The following INSL6 variants were observed in gnomAD, a reference collection of about 807,000 sequenced individuals.
The protein encoded by INSL6 is insulin like 6.
A neutral mutation model predicts 9.4 loss-of-function variants in INSL6; 16 were observed. That is an observed-to-expected ratio of 1.70 (90% CI 1.15 to 2.59). The LOEUF is 2.59. Among genes scored for constraint, INSL6 ranks in the 30% most tolerant of loss-of-function variants. INSL6 has a pLI of 0.00. For missense variants in INSL6, 391 were observed against 257.3 expected (o/e 1.52, Z -3.56); for synonymous variants, 154 against 96.9 (o/e 1.59, Z -3.46).
the INSL6 span, among the ~76,000 whole-genome samples, chr9:5,087,922 CGT>C: frequency 6.6e-6 from 1 of 151,992 alleles, no homozygotes; most frequent in Non-Finnish European, 1.5e-5. Context: ...TTAGTGCATT[CGT>C]GTGACAATAT....
the INSL6 span, chr9:5,091,168 A>G: frequency 7.7e-5 from 22 of 285,128 alleles, no homozygotes; most frequent in Non-Finnish European, 1.2e-4. Context: ...ACTGTCTCCT[A>G]TTTATTGAGG....
At chr9:5,054,413 T>C in the INSL6 span, 6 of 595,600 alleles carry the variant, frequency 1.0e-5, no homozygotes. The surrounding 1 kb of genome is among the most constrained non-coding windows in gnomAD (Gnocchi z 4.9). Flanking sequence ...ACTGTATGGA[T>C]GGGGGTTATG....
the INSL6 span, chr9:5,099,942 A>C: frequency 6.6e-6 from 1 of 152,220 alleles, no homozygotes; most frequent in Non-Finnish European, 1.5e-5. Context: ...CTGGCTTTTT[A>C]CCACAAGGCA....
the INSL6 span, among the ~76,000 whole-genome samples, chr9:5,095,439 G>T: frequency 6.6e-6 from 1 of 152,074 alleles, no homozygotes; most frequent in Non-Finnish European, 1.5e-5. Context: ...TAATTCTCAT[G>T]ATGGGTATCC....
intron 1 of INSL6, among the ~76,000 whole-genome samples, chr9:5,167,400 T>C (rs529088443): frequency 6.6e-6 from 1 of 152,328 alleles, no homozygotes; most frequent in South Asian, 2.1e-4. Flanking sequence ...GCAGCTGCCA[T>C]TACTGTGTCT....
At chr9:5,097,218 C>T in the INSL6 span, 4 of 152,234 alleles carry the variant, frequency 2.6e-5, no homozygotes, top group African/African-American at 4.8e-5. Flanking sequence ...TTTCGTCCAA[C>T]CATTCCTCAT....
chr9:5,082,429 C>A, the INSL6 span, among the ~76,000 whole-genome samples: 2 of 152,208 alleles, frequency 1.3e-5, no homozygotes, highest in African/African-American at 4.8e-5. Flanking sequence ...GCATTGCTGC[C>A]AACATGTCTC....
the INSL6 span, among the ~76,000 whole-genome samples, chr9:5,035,393 A>C: frequency 3.9e-5 from 6 of 152,238 alleles, no homozygotes; most frequent in African/African-American, 1.4e-4. Flanking sequence ...TGAGGCCAGC[A>C]TCATCCTGAT....
the INSL6 span, chr9:5,041,841 G>T: frequency 2.7e-5 from 13 of 475,396 alleles, no homozygotes; most frequent in Non-Finnish European, 4.6e-5. Context: ...CACCAATGGG[G>T]AGCTGAACGC....
At chr9:5,003,074 C>G in the INSL6 span, among the ~76,000 whole-genome samples, 1 of 151,950 alleles carries the variant, frequency 6.6e-6, no homozygotes, top group African/African-American at 2.4e-5. Flanking sequence ...GGACTCTATT[C>G]TGTTCCATTT....
the INSL6 span, among the ~76,000 whole-genome samples, chr9:5,069,605 T>C: frequency 8.5e-5 from 13 of 152,152 alleles, no homozygotes; most frequent in Non-Finnish European, 1.8e-4. Context: ...TATTAAAAAT[T>C]ATTAAAATTC....
At chr9:4,992,324 A>G in the INSL6 span, among the ~76,000 whole-genome samples, 5 of 152,130 alleles carry the variant, frequency 3.3e-5, no homozygotes, top group Non-Finnish European at 7.3e-5. Context: ...CTCAGCATAA[A>G]TCTTTTATGA....
chr9:5,074,627 C>T, the INSL6 span, among the ~76,000 whole-genome samples: 1 of 152,182 alleles, frequency 6.6e-6, no homozygotes, highest in Admixed American at 6.5e-5. Flanking sequence ...CTGTCTCTCT[C>T]CCTCTCCTGG....
intron 3 of INSL6, among the ~76,000 whole-genome samples, chr9:5,131,071 T>A (rs183626661): frequency 2.6e-5 from 4 of 152,220 alleles, no homozygotes; most frequent in African/African-American, 9.6e-5. Flanking sequence ...AGATTGTGAG[T>A]TGGAATTTAT....
the INSL6 span, chr9:5,065,191 T>A: frequency 2.2e-6 from 1 of 451,972 alleles, no homozygotes; most frequent in African/African-American, 2.0e-5. Context: ...GATTACATAA[T>A]AATTAGAATT....
At chr9:5,136,946 C>CA (rs1824397921) in intron 2 of INSL6, among the ~76,000 whole-genome samples, 1 of 152,164 alleles carries the variant, frequency 6.6e-6, no homozygotes, top group Admixed American at 6.5e-5. Flanking sequence ...AATCAATGTG[C>CA]AAAAATCACA....
chr9:5,109,789 A>C, the INSL6 span: 2 of 152,194 alleles, frequency 1.3e-5, no homozygotes, highest in Admixed American at 1.3e-4. Context: ...TCTCAATATG[A>C]TATATAAACT....
the INSL6 span, among the ~76,000 whole-genome samples, chr9:5,078,776 C>A: frequency 6.6e-6 from 1 of 152,142 alleles, no homozygotes. Context: ...CTTTTCTTCT[C>A]GTCACTAAAT....
At chr9:5,037,946 C>T in the INSL6 span, among the ~76,000 whole-genome samples, 1 of 152,126 alleles carries the variant, frequency 6.6e-6, no homozygotes, top group Admixed American at 6.5e-5. Context: ...AAATTTAAAA[C>T]AGTGTATCCA....
Sources: allele counts gnomAD v4.1 joint callset (sites outside exome capture counted in the v4.1 genomes callset), GRCh38; gene constraint gnomAD v4.1.1; non-coding constraint Gnocchi (gnomAD v3.1); transcripts MANE v1.5; gene names NCBI Gene and HGNC (gene_info 2026-07-23, HGNC 2026-07-21).